The following USP7 variants were observed in gnomAD, a reference collection of about 807,000 sequenced individuals.
USP7 encodes the protein ubiquitin C-terminal hydrolase 7.
In USP7, 9 loss-of-function variants were observed where a neutral mutation model predicts 162.9. The ratio of observed to expected loss-of-function variants is 0.06; its 90% CI spans 0.03 to 0.10. The LOEUF (loss-of-function observed/expected upper bound fraction) is 0.10. USP7 is among the 10% of genes least tolerant of loss of function. The pLI, the probability that USP7 is intolerant of heterozygous loss-of-function variation, is 1.00. For missense variants in USP7, 715 were observed against 1,373.7 expected, an observed-to-expected ratio of 0.52 and a Z score of 7.58; for synonymous variants, 562 against 475.9, an observed-to-expected ratio of 1.18 and a Z score of -2.35.
intron 6 of USP7, 108 bp downstream of exon 6, chr16:8,918,923 C>T (rs575344806): frequency 4.1e-4 from 438 of 1,081,240 alleles, no homozygotes; most frequent in South Asian, 1.1e-3. Context: ...TCTGAGGAGA[C>T]AGGGCCAGGG....
intron 1 of USP7, among the ~76,000 whole-genome samples, chr16:8,939,338 C>T (rs1166346497): frequency 6.6e-6 from 1 of 152,146 alleles, no homozygotes; most frequent in African/African-American, 2.4e-5. Context: ...TTCACCAATG[C>T]TATATAAATG....
Position 8,904,392 on chromosome 16 carries a change from C to T in USP7, c.1704+43G>A, listed in dbSNP as rs771357137. On this transcript the variant is annotated intron_variant, in intron 15 of 30. Coordinates refer to ENST00000344836, the MANE Select transcript of USP7 (RefSeq NM_003470.3). ...GCACTTGTGTATAGAGATGGGTGCC[C>T]GGCTGCATGGTGACCCGGAGTCCCA... The T allele has an allele frequency of 3.1e-5, 50 of 1,605,592 alleles. 1 individual carries two copies. The highest frequency in any genetic ancestry group is 8.4e-5 in the Admixed American group (5 of 59,598).
intron 1 of USP7, among the ~76,000 whole-genome samples, chr16:8,934,684 G>A (rs1677490): frequency 6.6e-6 from 1 of 152,070 alleles, no homozygotes; most frequent in East Asian, 1.9e-4. Context: ...ACACATCTGA[G>A]TTGGTGTGGC....
At chr16:8,953,552 G>A (rs1477820540) in intron 1 of USP7, among the ~76,000 whole-genome samples, 6 of 122,368 alleles carry the variant, frequency 4.9e-5, no homozygotes, top group South Asian at 2.5e-4. Context: ...TGCCCCATGC[G>A]GCGCCACCGG....
intron 12 of USP7, among the ~76,000 whole-genome samples, chr16:8,907,673 C>A (rs2061881934): frequency 6.6e-6 from 1 of 152,038 alleles, no homozygotes; most frequent in East Asian, 1.9e-4. Flanking sequence ...GAAACCCTGT[C>A]TCTACTAAAA....
chr16:8,915,393 T>C (rs1265156825), intron 9 of USP7, 49 bp from the exon 10 acceptor site: 3 of 1,612,826 alleles, frequency 1.9e-6, no homozygotes, highest in East Asian at 4.5e-5. Flanking sequence ...AGTCAAAAAA[T>C]TCACATTCTA....
At chr16:8,925,678 C>T (rs1897947520) in intron 2 of USP7, among the ~76,000 whole-genome samples, 1 of 152,178 alleles carries the variant, frequency 6.6e-6, no homozygotes, top group African/African-American at 2.4e-5. Flanking sequence ...TGTGGCACTG[C>T]CCTGACACAC....
intron 1 of USP7, among the ~76,000 whole-genome samples, chr16:8,932,636 A>T (rs185787736): frequency 6.6e-6 from 1 of 152,186 alleles, no homozygotes; most frequent in Non-Finnish European, 1.5e-5. Flanking sequence ...AGAAAAGAAA[A>T]ATCAGGTACT....
At position 8,963,236 on chromosome 16, in the gene USP7, A is replaced by G; in HGVS notation, c.50T>C (p.Leu17Ser). ...QQQQKAGEQQ[L>S]SEPEDMEMEA... ...CATCTCCATGTCCTCGGGCTCGCTC[A>G]ACTGCTGCTCGCCCGCTTTCTGCTG... The change falls in exon 1 of 31, where the codon TTG (leucine) becomes TCG (serine). Residue 17 changes from leucine (L) to serine (S), a missense_variant. Transcript: ENST00000344836. 1 of 1,400,666 alleles carries G rather than the reference A, an allele frequency of 7.1e-7. No homozygotes were observed. Among genetic ancestry groups the G allele is most frequent in the Middle Eastern group, 2.3e-4 (1 of 4,418 alleles). The allele number at this position is 1,400,666 out of a possible 1,614,324, so 86.8% of individuals were successfully genotyped here.
chr16:8,899,356 T>G, intron 22 of USP7, 168 bp from the exon 23 acceptor site: 2 of 743,976 alleles, frequency 2.7e-6, no homozygotes, highest in Admixed American at 5.7e-5. Flanking sequence ...ACCATGGGAG[T>G]AGCATATCTG....
In USP7 at chr16:8,923,149, ATAACT is replaced by A. The variant is rs1040199604; in HGVS notation, c.383+61_383+65del. The A allele has an allele frequency of 2.6e-5, 20 of 754,850 alleles. No individual in the cohort carries two copies. In the Admixed American group the frequency reaches 2.8e-4, roughly 10 times the overall value. The allele number at this position is 754,850 out of a possible 1,614,324, so 46.8% of individuals were successfully genotyped here. A position where few individuals can be genotyped will look rare whatever the true frequency, so the allele number is the denominator to read the frequency against. ...TCAAAAGGCTATGTAGAGGCAGCAAATAACTTAAGATAAAATTGCACTAGGCTGAT... is the reference window on the plus strand; with the variant it reads ...TCAAAAGGCTATGTAGAGGCAGCAAATAAGATAAAATTGCACTAGGCTGAT... On this transcript the variant is annotated intron_variant, in intron 3 of 30. Coordinates refer to ENST00000344836, the MANE Select transcript of USP7 (RefSeq NM_003470.3).
chr16:8,944,352 G>C (rs897644415), intron 1 of USP7, among the ~76,000 whole-genome samples: 1 of 152,086 alleles, frequency 6.6e-6, no homozygotes, highest in Admixed American at 6.5e-5. Context: ...CTGGAACAAA[G>C]GAATTGCCTG....
intron 12 of USP7, among the ~76,000 whole-genome samples, chr16:8,907,046 G>A (rs572486283): frequency 4.0e-4 from 61 of 152,268 alleles, no homozygotes; most frequent in African/African-American, 1.3e-3. Flanking sequence ...ACAGAGGCAG[G>A]AAGGCAAGTT....
chr16:8,914,509 A>C (rs1040130966), intron 10 of USP7, among the ~76,000 whole-genome samples: 26 of 152,228 alleles, frequency 1.7e-4, no homozygotes, highest in African/African-American at 5.8e-4. Context: ...GCAAAAGAAG[A>C]AAGATTTCAA....
intron 5 of USP7, among the ~76,000 whole-genome samples, chr16:8,919,416 G>A (rs1897554021): frequency 6.6e-6 from 1 of 152,010 alleles, no homozygotes; most frequent in Non-Finnish European, 1.5e-5. Context: ...GACACTTAAC[G>A]GAGACCTGCA....
rs1229177344 is a variant in USP7 at position 8,899,636 on chromosome 16, C to T, written c.2431G>A (p.Val811Ile). ...TAATTCATTCTATTTGATAACGTAA[C>T]CACAAATCCAGGATCATTAGGGATT... ...KTIPNDPGFVVTLSNRMNYFQ... is the reference protein window; with the variant it reads ...KTIPNDPGFVITLSNRMNYFQ... Residue 811 changes from valine (V) to isoleucine (I), a missense_variant, in exon 22 of 31, where the codon GTT becomes ATT. Val to Ile is a conservative substitution (Grantham distance 29). Around this residue, in one of 11 missense-constraint regions of USP7, gnomAD observed 222 missense variants for 441.7 expected, o/e 0.50. Coordinates refer to ENST00000344836, the MANE Select transcript of USP7 (RefSeq NM_003470.3). 3.1e-6 allele frequency: 5 copies of T among 1,614,096 alleles called. No homozygotes were observed. Among genetic ancestry groups the T allele is most frequent in the Non-Finnish European group, 4.2e-6 (5 of 1,180,028 alleles).
intron 6 of USP7, among the ~76,000 whole-genome samples, chr16:8,918,204 T>C (rs1348711336): frequency 6.6e-6 from 1 of 152,188 alleles, no homozygotes; most frequent in East Asian, 1.9e-4. Context: ...CACGACAACC[T>C]GTCTGGGTGG....
intron 1 of USP7, among the ~76,000 whole-genome samples, chr16:8,944,232 C>CA (rs36002655): frequency 0.26 from 37,852 of 146,996 alleles, 5,183 homozygotes; most frequent in South Asian, 0.35. Context: ...AACAGAGGTG[C>CA]AAAAAAAAAA....
intron 2 of USP7, 40 bp from the exon 3 acceptor site, chr16:8,923,453 T>A: frequency 6.2e-7 from 1 of 1,605,580 alleles, no homozygotes; most frequent in Non-Finnish European, 8.5e-7. Flanking sequence ...AGCCTGTGCA[T>A]TGACCAAAAG....
Sources: allele counts gnomAD v4.1 joint callset (sites outside exome capture counted in the v4.1 genomes callset), GRCh38; gene constraint gnomAD v4.1.1; regional missense constraint gnomAD v4.1.1; transcripts MANE v1.5; gene names NCBI Gene and HGNC (gene_info 2026-07-23, HGNC 2026-07-21).